The following CRIM1 variants were observed in gnomAD, a reference collection of about 807,000 sequenced individuals.
CRIM1 encodes cysteine-rich motor neuron 1 protein.
In CRIM1, 32 loss-of-function variants were observed where a neutral mutation model predicts 116.4. That is an observed-to-expected ratio of 0.27 (90% CI 0.21 to 0.37). The LOEUF (loss-of-function observed/expected upper bound fraction) is 0.37, where lower values mean the gene tolerates loss of function less well. Ranked by LOEUF, CRIM1 falls within the 10% of genes least tolerant of loss-of-function variation. The pLI, the probability that CRIM1 is intolerant of heterozygous loss-of-function variation, is 1.00. For missense variants in CRIM1, 1,331 were observed against 1,354.8 expected, an observed-to-expected ratio of 0.98 and a Z score of 0.28; for synonymous variants, 590 against 509.2, an observed-to-expected ratio of 1.16 and a Z score of -2.13.
Position 36,356,242 on chromosome 2 carries a change from C to G in CRIM1, c.-51C>G. Reference sequence around the variant, plus strand: ...TGTGCCCCGCGCAGGGGAGGGCGCCCGCCCCGCTCCCGGCCCGGCTGCGAG... The same window carrying G: ...TGTGCCCCGCGCAGGGGAGGGCGCCGGCCCCGCTCCCGGCCCGGCTGCGAG... On this transcript the variant is annotated 5_prime_UTR_variant, in exon 1 of 17. Transcript: ENST00000280527. The surrounding 1 kb of genome is among the most constrained non-coding windows in gnomAD (Gnocchi z 4.3). 3 of 1,147,030 alleles carry G rather than the reference C, an allele frequency of 2.6e-6. No individual in the cohort carries two copies. Among genetic ancestry groups the G allele is most frequent in the South Asian group, 1.9e-5 (1 of 51,684 alleles). 71.1% of individuals were successfully genotyped at this position (1,147,030 alleles called of 1,614,324 possible).
chr2:36,363,639 G>A (rs1669394257), intron 1 of CRIM1, among the ~76,000 whole-genome samples: 1 of 150,222 alleles, frequency 6.7e-6, no homozygotes, highest in African/African-American at 2.4e-5. Context: ...TGATTTGTAG[G>A]AATTATAAAT....
At position 36,522,085 on chromosome 2, in the gene CRIM1, T is replaced by A. The variant is rs775985026; in HGVS notation, c.2207-7T>A. On this transcript the variant is annotated splice_region_variant and splice_polypyrimidine_tract_variant and intron_variant, in intron 12 of 16. Transcript: ENST00000280527. ...TTCTTTGCTGACCTATATGTTCATT[T>A]TTCCAGATCAACCTTTTCGGCCTTC... 6.2e-7 allele frequency: 1 copy of A among 1,613,648 alleles called. No individual in the cohort carries two copies. The highest frequency in any genetic ancestry group is 1.1e-5 in the South Asian group (1 of 91,076).
intron 5 of CRIM1, among the ~76,000 whole-genome samples, chr2:36,475,291 T>C (rs1026859575): frequency 6.6e-6 from 1 of 152,246 alleles, no homozygotes; most frequent in South Asian, 2.1e-4. Context: ...ATTTTCAAAA[T>C]ACAAGTTTGT....
intron 1 of CRIM1, among the ~76,000 whole-genome samples, chr2:36,391,233 A>G (rs921539196): frequency 7.1e-6 from 1 of 141,392 alleles, no homozygotes; most frequent in Non-Finnish European, 1.5e-5. Flanking sequence ...GGTTCATGAC[A>G]TTCTCCTGCC....
At chr2:36,542,829 C>A (rs780225194) in intron 14 of CRIM1, among the ~76,000 whole-genome samples, 4 of 152,094 alleles carry the variant, frequency 2.6e-5, no homozygotes, top group Admixed American at 2.0e-4. Context: ...GCATTAAATA[C>A]CATCCCCCTG....
intron 2 of CRIM1, among the ~76,000 whole-genome samples, chr2:36,423,489 T>C (rs886430852): frequency 6.6e-6 from 1 of 152,220 alleles, no homozygotes; most frequent in Non-Finnish European, 1.5e-5. Context: ...TAATGTGCAA[T>C]TCATTGTGTA....
chr2:36,485,133 G>C (rs1679719758), intron 7 of CRIM1, among the ~76,000 whole-genome samples: 2 of 152,222 alleles, frequency 1.3e-5, no homozygotes, highest in African/African-American at 4.8e-5. Context: ...CTTAACTCTT[G>C]AAGTAGAGGA....
At chr2:36,448,824 A>G (rs1000210029) in intron 4 of CRIM1, among the ~76,000 whole-genome samples, 26 of 152,176 alleles carry the variant, frequency 1.7e-4, no homozygotes, top group African/African-American at 7.2e-5. Context: ...ATAATGTCCA[A>G]AAACTTAAAA....
chr2:36,458,163 CAG>C (rs1176039868), intron 4 of CRIM1, among the ~76,000 whole-genome samples: 1 of 152,184 alleles, frequency 6.6e-6, no homozygotes, highest in Non-Finnish European at 1.5e-5. Context: ...AGAGGAAGAT[CAG>C]AGTCTGCTGG....
At chr2:36,502,661 A>G (rs1681081994) in intron 8 of CRIM1, among the ~76,000 whole-genome samples, 1 of 152,190 alleles carries the variant, frequency 6.6e-6, no homozygotes, top group African/African-American at 2.4e-5. Context: ...CACTCATGAA[A>G]TATCACTACT....
chr2:36,459,376 TAAA>T (rs1447883511), intron 4 of CRIM1, among the ~76,000 whole-genome samples: 1 of 152,170 alleles, frequency 6.6e-6, no homozygotes, highest in Non-Finnish European at 1.5e-5. Context: ...TGTATAAAAA[TAAA>T]AAATATAAAA....
intron 7 of CRIM1, among the ~76,000 whole-genome samples, chr2:36,483,401 A>G (rs1010013387): frequency 6.6e-6 from 1 of 152,220 alleles, no homozygotes; most frequent in African/African-American, 2.4e-5. Context: ...TACAATTGTT[A>G]TGTGTCAGGT....
chr2:36,379,464 C>G (rs1398102290), intron 1 of CRIM1, among the ~76,000 whole-genome samples: 2 of 152,158 alleles, frequency 1.3e-5, no homozygotes, highest in Non-Finnish European at 2.9e-5. Context: ...TGCTGGGGTA[C>G]AAAAATCAGG....
intron 12 of CRIM1, among the ~76,000 whole-genome samples, chr2:36,521,202 T>C (rs1400718772): frequency 6.6e-6 from 1 of 152,206 alleles, no homozygotes; most frequent in Non-Finnish European, 1.5e-5. Flanking sequence ...CATTTTCTGT[T>C]GCAAGTTGTA....
At chr2:36,505,080 A>G (rs999038620) in intron 8 of CRIM1, among the ~76,000 whole-genome samples, 1 of 152,230 alleles carries the variant, frequency 6.6e-6, no homozygotes, top group Non-Finnish European at 1.5e-5. Flanking sequence ...ATAGGGAGGC[A>G]GGCTCCTTGT....
chr2:36,451,775 C>G (rs1185453539), intron 4 of CRIM1, among the ~76,000 whole-genome samples: 1 of 152,184 alleles, frequency 6.6e-6, no homozygotes, highest in African/African-American at 2.4e-5. Flanking sequence ...TGCGCATCAA[C>G]CCAACCTGAC....
intron 7 of CRIM1, among the ~76,000 whole-genome samples, chr2:36,487,857 A>G (rs1679947874): frequency 6.6e-6 from 1 of 152,206 alleles, no homozygotes; most frequent in Middle Eastern, 3.2e-3. Flanking sequence ...GATTAGAGGC[A>G]TGTATTTAAA....
intron 1 of CRIM1, among the ~76,000 whole-genome samples, chr2:36,357,969 CATAGGT>C (rs1668966485): frequency 6.6e-6 from 1 of 152,174 alleles, no homozygotes; most frequent in Admixed American, 6.5e-5. Flanking sequence ...CAGACACACA[CATAGGT>C]ACTTATTTAT....
chr2:36,392,603 G>C (rs1260229870), intron 1 of CRIM1, among the ~76,000 whole-genome samples: 1 of 152,190 alleles, frequency 6.6e-6, no homozygotes, highest in Non-Finnish European at 1.5e-5. Flanking sequence ...CTTGGGCTCA[G>C]ATTTGATTTC....
Sources: allele counts gnomAD v4.1 joint callset (sites outside exome capture counted in the v4.1 genomes callset), GRCh38; gene constraint gnomAD v4.1.1; non-coding constraint Gnocchi (gnomAD v3.1); transcripts MANE v1.5; gene names NCBI Gene and HGNC (gene_info 2026-07-23, HGNC 2026-07-21).